GALNTL6: variants seen among roughly 807,000 people sequenced by gnomAD.
GALNTL6 encodes polypeptide N-acetylgalactosaminyltransferase like 6.
GALNTL6 carries 46 observed loss-of-function variants against 73.7 expected under a neutral mutation model. The ratio of observed to expected loss-of-function variants is 0.62; its 90% CI spans 0.49 to 0.80. The LOEUF is 0.80. GALNTL6 is among the 30% of genes least tolerant of loss of function. GALNTL6 has a pLI of 0.00. For synonymous variants in GALNTL6, 259 were observed against 263.7 expected (o/e 0.98, Z 0.17); for missense variants, 604 against 755.0 (o/e 0.80, Z 2.34).
chr4:172,224,698 A>G (rs1360865442), intron 2 of GALNTL6, among the ~76,000 whole-genome samples: 1 of 152,186 alleles, frequency 6.6e-6, no homozygotes, highest in African/African-American at 2.4e-5. Context: ...TCCTTAGAGT[A>G]GTACACTCTG....
chr4:172,655,665 T>C (rs1377989621), intron 5 of GALNTL6, among the ~76,000 whole-genome samples: 1 of 152,306 alleles, frequency 6.6e-6, no homozygotes, highest in Non-Finnish European at 1.5e-5. Context: ...ATCCCAAATA[T>C]ATATGTCAAA....
intron 5 of GALNTL6, among the ~76,000 whole-genome samples, chr4:172,627,253 A>G (rs1739204230): frequency 6.6e-6 from 1 of 152,156 alleles, no homozygotes; most frequent in South Asian, 2.1e-4. Context: ...TCAGATGATC[A>G]TATGGCTTTT....
intron 5 of GALNTL6, among the ~76,000 whole-genome samples, chr4:172,415,185 A>G (rs924258673): frequency 2.0e-5 from 3 of 152,220 alleles, no homozygotes; most frequent in Non-Finnish European, 4.4e-5. Flanking sequence ...TGGCTGAGCA[A>G]CTTTCCAAAA....
At chr4:172,965,787 A>G (rs1485368387) in intron 10 of GALNTL6, among the ~76,000 whole-genome samples, 1 of 152,128 alleles carries the variant, frequency 6.6e-6, no homozygotes, top group Non-Finnish European at 1.5e-5. Context: ...TGGCAAACAA[A>G]ACATTCTGTC....
At chr4:172,134,925 C>T (rs1372798702) in intron 2 of GALNTL6, among the ~76,000 whole-genome samples, 1 of 152,186 alleles carries the variant, frequency 6.6e-6, no homozygotes, top group East Asian at 1.9e-4. Context: ...ATCACATTCA[C>T]TCACATTCCA....
At chr4:172,913,050 G>T (rs184689992) in intron 8 of GALNTL6, among the ~76,000 whole-genome samples, 1 of 152,154 alleles carries the variant, frequency 6.6e-6, no homozygotes, top group Non-Finnish European at 1.5e-5. Context: ...AACATTTGCC[G>T]TTCTGCAATA....
At chr4:172,017,529 C>A (rs1308707066) in intron 2 of GALNTL6, among the ~76,000 whole-genome samples, 1 of 152,060 alleles carries the variant, frequency 6.6e-6, no homozygotes, top group African/African-American at 2.4e-5. Context: ...ACAAGGTCCC[C>A]TTCTCCAAGA....
intron 2 of GALNTL6, among the ~76,000 whole-genome samples, chr4:172,121,719 T>A (rs1733155617): frequency 6.6e-6 from 1 of 152,156 alleles, no homozygotes; most frequent in Non-Finnish European, 1.5e-5. Flanking sequence ...GTAAGTTCAA[T>A]ATGTCTGTTC....
chr4:172,363,449 A>T (rs1353334995), intron 5 of GALNTL6, among the ~76,000 whole-genome samples: 1 of 152,224 alleles, frequency 6.6e-6, no homozygotes, highest in East Asian at 1.9e-4. Flanking sequence ...AAGTAGAATA[A>T]TAATAATAAT....
intron 12 of GALNTL6, among the ~76,000 whole-genome samples, chr4:173,037,992 C>T (rs1457243163): frequency 6.6e-6 from 1 of 152,182 alleles, no homozygotes; most frequent in Non-Finnish European, 1.5e-5. Flanking sequence ...ATCTGCCCGC[C>T]ATGGCCTCCC....
chr4:172,003,577 A>G (rs1464964807), intron 2 of GALNTL6, among the ~76,000 whole-genome samples: 1 of 152,288 alleles, frequency 6.6e-6, no homozygotes, highest in Non-Finnish European at 1.5e-5. Flanking sequence ...GCCTTCATAT[A>G]TTCAACAGCT....
At chr4:171,883,939 T>G (rs967373083) in intron 2 of GALNTL6, among the ~76,000 whole-genome samples, 6 of 151,966 alleles carry the variant, frequency 3.9e-5, no homozygotes, top group Non-Finnish European at 8.8e-5. Context: ...GAGCCACCGC[T>G]CCCAGACATA....
In GALNTL6 at chr4:171,967,782, A is replaced by T. The variant is rs184250542; in HGVS notation, c.138+153064A>T. On this transcript the variant is annotated intron_variant, in intron 2 of 12. Coordinates refer to ENST00000506823, the MANE Select transcript of GALNTL6 (RefSeq NM_001034845.3). ...CCCCATTAAAAGTAACAAAAGAATA[A>T]CAAATGAAACCCTTGAGTACTCTGA... is the stretch of plus-strand genomic sequence containing the variant. Among the ~76,000 whole-genome samples, 9 of 152,288 alleles carry T rather than the reference A, an allele frequency of 5.9e-5. No homozygotes were observed. The East Asian group carries it at 1.7e-3, about 29-fold the overall frequency.
At chr4:172,173,131 C>A (rs1021030313) in intron 2 of GALNTL6, among the ~76,000 whole-genome samples, 2 of 152,152 alleles carry the variant, frequency 1.3e-5, no homozygotes, top group Non-Finnish European at 2.9e-5. Context: ...GAAGATATTA[C>A]AATTTTAGTA....
intron 5 of GALNTL6, among the ~76,000 whole-genome samples, chr4:172,428,860 T>A (rs1283623004): frequency 3.3e-5 from 5 of 152,156 alleles, no homozygotes; most frequent in South Asian, 2.1e-4. Context: ...GATTCAGGGG[T>A]CTGACTCTTT....
At chr4:171,884,325 T>C (rs1250035884) in intron 2 of GALNTL6, among the ~76,000 whole-genome samples, 1 of 152,204 alleles carries the variant, frequency 6.6e-6, no homozygotes, top group African/African-American at 2.4e-5. Context: ...GTAGTATTTA[T>C]TACCGACTAT....
intron 5 of GALNTL6, among the ~76,000 whole-genome samples, chr4:172,419,535 T>G (rs1730976167): frequency 1.3e-5 from 2 of 152,206 alleles, no homozygotes; most frequent in Admixed American, 1.3e-4. Context: ...ATGCTCATTT[T>G]TTACAATAAT....
intron 2 of GALNTL6, among the ~76,000 whole-genome samples, chr4:172,016,407 C>T (rs1741193947): frequency 1.3e-5 from 2 of 152,012 alleles, no homozygotes; most frequent in Admixed American, 1.3e-4. Context: ...TGTTCATTTA[C>T]AGAAGTTGTG....
At chr4:172,723,052 C>T (rs933905165) in intron 5 of GALNTL6, among the ~76,000 whole-genome samples, 1 of 152,032 alleles carries the variant, frequency 6.6e-6, no homozygotes, top group African/African-American at 2.4e-5. Context: ...CAAGAGGGTG[C>T]CCACGTTCTT....
Sources: gnomAD v4.1 joint callset for allele counts (sites outside exome capture counted in the v4.1 genomes callset) on GRCh38, gnomAD v4.1.1 for gene constraint, MANE v1.5 for transcripts, NCBI Gene and HGNC (gene_info 2026-07-23, HGNC 2026-07-21) for gene names.